GRB2: variants seen among roughly 807,000 people sequenced by gnomAD.
GRB2 encodes growth factor receptor bound protein 2.
In GRB2, 2 loss-of-function variants were observed where a neutral mutation model predicts 27.4. The ratio of observed to expected loss-of-function variants is 0.07; its 90% CI spans 0.03 to 0.23. GRB2 has a LOEUF of 0.23. GRB2 is among the 10% of genes least tolerant of loss of function. The probability of loss-of-function intolerance (pLI) is 1.00; values close to 1 mark genes in which losing one functional copy is unlikely to be tolerated. For synonymous variants in GRB2, 94 were observed against 99.6 expected (o/e 0.94, Z 0.33); for missense variants, 102 against 282.4 (o/e 0.36, Z 4.58).
At chr17:75,374,950 C>T (rs1212167856) in intron 2 of GRB2, among the ~76,000 whole-genome samples, 2 of 151,368 alleles carry the variant, frequency 1.3e-5, no homozygotes, top group South Asian at 2.1e-4. Flanking sequence ...GTTTATAGTA[C>T]AGTAGCGAGA....
intron 2 of GRB2, among the ~76,000 whole-genome samples, chr17:75,377,344 G>A (rs542719169): frequency 7.2e-5 from 11 of 152,004 alleles, no homozygotes; most frequent in African/African-American, 2.4e-4. Context: ...AAAGTGGCCA[G>A]GCAGAGTGGT....
At chr17:75,395,698 A>G (rs2079025078) in intron 1 of GRB2, among the ~76,000 whole-genome samples, 1 of 152,200 alleles carries the variant, frequency 6.6e-6, no homozygotes, top group African/African-American at 2.4e-5. Context: ...TCCAGCCATT[A>G]TCTATTGCCT....
chr17:75,357,329 A>G (rs766096243), intron 2 of GRB2, among the ~76,000 whole-genome samples: 2 of 152,216 alleles, frequency 1.3e-5, no homozygotes, highest in African/African-American at 2.4e-5. Flanking sequence ...AGAGAAGGAC[A>G]CTGGGAAAAA....
intron 1 of GRB2, among the ~76,000 whole-genome samples, chr17:75,395,275 T>G (rs2079022688): frequency 6.6e-6 from 1 of 152,164 alleles, no homozygotes. Context: ...AACATTCTGC[T>G]GCAGGTAACT....
At chr17:75,376,892 T>C (rs1024320491) in intron 2 of GRB2, among the ~76,000 whole-genome samples, 2 of 151,846 alleles carry the variant, frequency 1.3e-5, no homozygotes, top group African/African-American at 4.8e-5. Context: ...TGGTGGTGGA[T>C]ACCTGTAGTT....
At chr17:75,368,862 C>T (rs116607171) in intron 2 of GRB2, among the ~76,000 whole-genome samples, 86 of 152,206 alleles carry the variant, frequency 5.7e-4, no homozygotes, top group African/African-American at 1.9e-3. Flanking sequence ...GACTCTTTTC[C>T]ATTTCCACTA....
At chr17:75,351,875 A>T (rs1258446050) in intron 2 of GRB2, among the ~76,000 whole-genome samples, 1 of 152,182 alleles carries the variant, frequency 6.6e-6, no homozygotes, top group Non-Finnish European at 1.5e-5. Flanking sequence ...TGAAAATTCT[A>T]AGTAGTACAC....
chr17:75,401,668 G>T (rs1436345915), intron 1 of GRB2, among the ~76,000 whole-genome samples: 1 of 152,188 alleles, frequency 6.6e-6, no homozygotes, highest in Non-Finnish European at 1.5e-5. Context: ...CTAATGAGGG[G>T]ACACTGGAGA....
In GRB2 at chr17:75,393,554, G is replaced by C. The variant is rs2079011396; in HGVS notation, c.75C>G (p.Leu25=). ...TGTGCTCGGCATCAGCACTTACCTT[G>C]AGGATGTCCCCCCTTTTGAAGCTCA... is the stretch of plus-strand genomic sequence containing the variant. ...DELSFKRGDI[L]KVLNEECDQN... is the part of the protein sequence containing the mutation. Residue 25 remains leucine (L), a synonymous_variant, in exon 2 of 6, where the codon CTC becomes CTG. Coordinates refer to ENST00000316804, the MANE Select transcript of GRB2 (RefSeq NM_002086.5). 6.2e-7 allele frequency: 1 copy of C among 1,613,332 alleles called. No homozygotes were observed. Among genetic ancestry groups the C allele is most frequent in the Non-Finnish European group, 8.5e-7 (1 of 1,179,210 alleles).
At chr17:75,391,858 T>C (rs1035288202) in intron 2 of GRB2, among the ~76,000 whole-genome samples, 1 of 151,686 alleles carries the variant, frequency 6.6e-6, no homozygotes, top group Non-Finnish European at 1.5e-5. Flanking sequence ...ATGCCCCTAG[T>C]TTTGTTTTAA....
At chr17:75,332,635 T>C in intron 3 of GRB2, 65 bp downstream of exon 3, 1 of 902,392 alleles carries the variant, frequency 1.1e-6, no homozygotes, top group South Asian at 1.4e-5. Flanking sequence ...ATCTCAATTT[T>C]AAAAAGAGTG....
At chr17:75,400,898 C>T (rs1478151619) in intron 1 of GRB2, among the ~76,000 whole-genome samples, 1 of 152,060 alleles carries the variant, frequency 6.6e-6, no homozygotes, top group East Asian at 1.9e-4. Context: ...CACATATACA[C>T]CCACACCCTT....
At chr17:75,365,974 A>G (rs751504078) in intron 2 of GRB2, among the ~76,000 whole-genome samples, 4 of 152,146 alleles carry the variant, frequency 2.6e-5, no homozygotes, top group Non-Finnish European at 5.9e-5. Context: ...ACCTAATCAC[A>G]TATCAAGTCT....
rs942586556 is a variant in GRB2, at chr17:75,328,893, G to A, written c.177-2873C>T. On this transcript the variant is annotated intron_variant, in intron 3 of 5. Coordinates refer to ENST00000316804, the MANE Select transcript of GRB2 (RefSeq NM_002086.5). Reference sequence around the variant, plus strand: ...GCGGAGCTTGCAGTGAGCCGAGATCGCGCCACTGCACTCTAGCCTGGGCGA... The same window carrying A: ...GCGGAGCTTGCAGTGAGCCGAGATCACGCCACTGCACTCTAGCCTGGGCGA... Among the ~76,000 whole-genome samples, 12 of 151,968 alleles carry A rather than the reference G, an allele frequency of 7.9e-5. No homozygotes were observed. The East Asian group carries it at 1.5e-3, about 20-fold the overall frequency.
intron 2 of GRB2, among the ~76,000 whole-genome samples, chr17:75,366,643 CA>C (rs984658294): frequency 6.6e-6 from 1 of 151,830 alleles, no homozygotes; most frequent in Admixed American, 6.6e-5. Context: ...CCCATCTCCA[CA>C]AAAAAACAAA....
intron 3 of GRB2, among the ~76,000 whole-genome samples, chr17:75,330,106 G>A (rs570868728): frequency 3.5e-4 from 54 of 152,188 alleles, no homozygotes; most frequent in African/African-American, 1.0e-3. Context: ...GCTTTGGGCC[G>A]GGTGTGGTGG....
rs908008929 is a variant in GRB2, at chr17:75,380,333, T to C, written c.78+13218A>G. 3.8e-5 allele frequency among the ~76,000 whole-genome samples: 5 copies of C among 130,548 alleles called. No homozygotes were observed. In the East Asian group the frequency reaches 1.2e-3, roughly 31 times the overall value. 85.6% of individuals were successfully genotyped at this position (130,548 alleles called of 152,430 possible). On this transcript the variant is annotated intron_variant, in intron 2 of 5. Transcript: ENST00000316804. ...TTACTGCTTTTTCTGATTACAAAAC[T>C]AATAGCTTGTAGTAAAAAAAAAAAA...
intron 4 of GRB2, among the ~76,000 whole-genome samples, chr17:75,322,666 GCTT>G (rs1183358808): frequency 2.6e-5 from 4 of 152,222 alleles, no homozygotes; most frequent in Admixed American, 6.5e-5. Flanking sequence ...AAACCCAAAA[GCTT>G]CTCCATCACT....
At chr17:75,398,398 G>T (rs1042497137) in intron 1 of GRB2, among the ~76,000 whole-genome samples, 33 of 151,442 alleles carry the variant, frequency 2.2e-4, no homozygotes, top group Admixed American at 2.0e-3. Flanking sequence ...CCTCCTTAGT[G>T]GGGACTACAG....
Sources: allele counts gnomAD v4.1 joint callset (sites outside exome capture counted in the v4.1 genomes callset), GRCh38; gene constraint gnomAD v4.1.1; transcripts MANE v1.5; gene names NCBI Gene and HGNC (gene_info 2026-07-23, HGNC 2026-07-21).